The following GSDME variants were observed in gnomAD, a reference collection of about 807,000 sequenced individuals.
GSDME encodes the protein gasdermin-E.
A neutral mutation model predicts 47.5 loss-of-function variants in GSDME; 44 were observed. That is an observed-to-expected ratio of 0.93 (90% confidence interval 0.73 to 1.19). The LOEUF (loss-of-function observed/expected upper bound fraction) is 1.19, where lower values mean the gene tolerates loss of function less well. GSDME is among the 50% of genes most tolerant of loss of function. GSDME has a pLI of 0.00. For synonymous variants in GSDME, 258 were observed against 252.8 expected, an observed-to-expected ratio of 1.02 and a Z score of -0.20; for missense variants, 663 against 604.2, an observed-to-expected ratio of 1.10 and a Z score of -1.02.
rs1790620903 is a variant in GSDME, at chr7:24,745,027, GTGTGTGT to G, written c.212-280_212-274del. On this transcript the variant is annotated intron_variant, in intron 2 of 9. Transcript: ENST00000645220. This position sits in a 1 kb window ranked among gnomAD's most constrained non-coding sequence, Gnocchi z 4.4. ...TGTGTGTGTGTGTGTGTGTGTGTGTGTGTGTGTGGACCACGGGCACACAGTGGACCAG... is the reference window on the plus strand; with the variant it reads ...TGTGTGTGTGTGTGTGTGTGTGTGTGGGACCACGGGCACACAGTGGACCAG... Among the ~76,000 whole-genome samples the G allele has an allele frequency of 2.9e-5, 4 of 138,748 alleles. No homozygotes were observed. The highest frequency in any genetic ancestry group is 1.2e-4 in the African/African-American group (4 of 33,954). 91.0% of individuals were successfully genotyped at this position (138,748 alleles called of 152,430 possible). A position where few individuals can be genotyped will look rare whatever the true frequency, so the allele number is the denominator to read the frequency against.
chr7:24,770,269 C>T, the GSDME span, among the ~76,000 whole-genome samples: 2 of 152,354 alleles, frequency 1.3e-5, no homozygotes, highest in South Asian at 2.1e-4. This position sits in a 1 kb window ranked among gnomAD's most constrained non-coding sequence, Gnocchi z 4.6. Context: ...CATTGAGGTA[C>T]TGGGTGTGCC....
At chr7:24,758,732 C>G (rs1203077359), upstream of GSDME, among the ~76,000 whole-genome samples, 1 of 152,126 alleles carries the variant, frequency 6.6e-6, no homozygotes, top group Non-Finnish European at 1.5e-5. This position sits in a 1 kb window ranked among gnomAD's most constrained non-coding sequence, Gnocchi z 4.6. Context: ...AAAAGTGCTG[C>G]CCACCCACCC....
At chr7:24,770,545 C>T in the GSDME span, among the ~76,000 whole-genome samples, 7 of 152,082 alleles carry the variant, frequency 4.6e-5, no homozygotes, top group Non-Finnish European at 8.8e-5. This position sits in a 1 kb window ranked among gnomAD's most constrained non-coding sequence, Gnocchi z 4.6. Context: ...AGCTCTTCAC[C>T]TGTGGGGTCT....
chr7:24,770,992 C>G, the GSDME span, among the ~76,000 whole-genome samples: 1 of 151,318 alleles, frequency 6.6e-6, no homozygotes, highest in African/African-American at 2.4e-5. The surrounding 1 kb of genome is among the most constrained non-coding windows in gnomAD (Gnocchi z 4.6). Context: ...TTTAGAGCAA[C>G]AATGACAGAA....
rs1276253123 is a variant in GSDME at position 24,726,015 on chromosome 7, C to T, written c.405-6797G>A. Among the ~76,000 whole-genome samples the T allele has an allele frequency of 6.6e-6, 1 of 152,024 alleles. No individual in the cohort carries two copies. The highest frequency in any genetic ancestry group is 2.4e-5 in the African/African-American group (1 of 41,408). ...GAGATGGCTGGAAAAGGAGACCAGG[C>T]AGGAGCTGCTGGGAGGCGGCAGGCA... On this transcript the variant is annotated intron_variant, in intron 3 of 9. Transcript: ENST00000645220. The surrounding 1 kb of genome is among the most constrained non-coding windows in gnomAD (Gnocchi z 5.6).
the GSDME span, among the ~76,000 whole-genome samples, chr7:24,781,150 C>G: frequency 1.3e-5 from 2 of 152,158 alleles, no homozygotes; most frequent in East Asian, 3.8e-4. Flanking sequence ...CCAAGGAGAT[C>G]AACATGACCT....
At position 24,757,405 on chromosome 7, in the gene GSDME, C is replaced by A. The variant is rs539414050; in HGVS notation, c.-29G>T. 8.7e-3 allele frequency: 1,331 copies of A among 152,380 alleles called. 18 individuals are homozygous for A. The highest frequency in any genetic ancestry group is 0.03 in the African/African-American group (1,228 of 41,494). The allele number at this position is 152,380 out of a possible 1,614,324, so 9.4% of individuals were successfully genotyped here. A position where few individuals can be genotyped will look rare whatever the true frequency, so the allele number is the denominator to read the frequency against. Reference sequence around the variant, plus strand: ...CCCGCCGCGCACTTACCCGCGCGCCCGCTGCTGGGTCCCCGGCAGCCGCGC... The same window carrying A: ...CCCGCCGCGCACTTACCCGCGCGCCAGCTGCTGGGTCCCCGGCAGCCGCGC... On this transcript the variant is annotated 5_prime_UTR_variant, in exon 1 of 10. Coordinates refer to ENST00000645220, the MANE Select transcript of GSDME (RefSeq NM_001127453.2). The surrounding 1 kb of genome is among the most constrained non-coding windows in gnomAD (Gnocchi z 5.9).
At position 24,746,400 on chromosome 7, in the gene GSDME, A is replaced by G. The variant is rs76790183; in HGVS notation, c.212-1646T>C. ...CCTGAACCTCAGACTTTCATGAGCA[A>G]TTTGGAGATAATTAATGATAGCTAC... On this transcript the variant is annotated intron_variant, in intron 2 of 9. Coordinates refer to ENST00000645220, the MANE Select transcript of GSDME (RefSeq NM_001127453.2). Among the ~76,000 whole-genome samples the G allele has an allele frequency of 7.3e-3, 1,114 of 152,268 alleles. 7 individuals are homozygous for G. Among genetic ancestry groups the G allele is most frequent in the African/African-American group, 0.025 (1,036 of 41,534 alleles).
chr7:24,702,935 C>T (rs1251297898), intron 8 of GSDME, 102 bp from the exon 9 acceptor site: 6 of 942,898 alleles, frequency 6.4e-6, no homozygotes, highest in Non-Finnish European at 9.9e-6. Flanking sequence ...TACTTTCCCG[C>T]CAGCCAGGCA....
At position 24,711,815 on chromosome 7, in the gene GSDME, C is replaced by CAAAA. The variant is rs35002301; in HGVS notation, c.698-1431_698-1428dup. 1.0e-3 allele frequency among the ~76,000 whole-genome samples: 97 copies of CAAAA among 97,050 alleles called. 1 individual carries two copies. Among genetic ancestry groups the CAAAA allele is most frequent in the African/African-American group, 3.0e-3 (80 of 27,008 alleles). The allele number at this position is 97,050 out of a possible 152,430, so 63.7% of individuals were successfully genotyped here. On this transcript the variant is annotated intron_variant, in intron 5 of 9. Transcript: ENST00000645220. ...GGGCAATAGAGCAAGACCTTGTCTCCAAAAAAAAAAAAAAAAAAGGCAAAG... is the reference window on the plus strand; with the variant it reads ...GGGCAATAGAGCAAGACCTTGTCTCCAAAAAAAAAAAAAAAAAAAAAAGGCAAAG...
intron 2 of GSDME, 127 bp downstream of exon 2, chr7:24,749,437 G>T: frequency 1.2e-6 from 1 of 800,696 alleles, no homozygotes; most frequent in South Asian, 1.5e-5. Flanking sequence ...GGGAGGCAGA[G>T]GTTGCAATGG....
At chr7:24,772,253 T>A in the GSDME span, among the ~76,000 whole-genome samples, 3 of 152,242 alleles carry the variant, frequency 2.0e-5, no homozygotes, top group Admixed American at 2.0e-4. The surrounding 1 kb of genome is among the most constrained non-coding windows in gnomAD (Gnocchi z 4.5). Flanking sequence ...TGTTCCCAAC[T>A]CTTCATGTGG....
intron 8 of GSDME, chr7:24,704,654 G>C (rs1489573562): frequency 6.6e-6 from 1 of 152,000 alleles, no homozygotes; most frequent in African/African-American, 2.4e-5. Flanking sequence ...TTCCAATTCA[G>C]AAACAGCAAG....
intron 3 of GSDME, among the ~76,000 whole-genome samples, chr7:24,738,504 C>G (rs1790381075): frequency 2.0e-5 from 3 of 152,058 alleles, no homozygotes; most frequent in Admixed American, 6.5e-5. Context: ...GTTCCATATT[C>G]ACAGATCAGA....
Position 24,714,500 on chromosome 7 carries a change from C to T in GSDME, c.697+2754G>A, listed in dbSNP as rs969829565. Among the ~76,000 whole-genome samples the T allele has an allele frequency of 1.3e-5, 2 of 152,142 alleles. No individual in the cohort carries two copies. The highest frequency in any genetic ancestry group is 4.8e-5 in the African/African-American group (2 of 41,428). ...TGAATCACCCAGAACGATGACCTGACCACCAAGCCACCATAGGAAGGAGCC... is the reference window on the plus strand; with the variant it reads ...TGAATCACCCAGAACGATGACCTGATCACCAAGCCACCATAGGAAGGAGCC... On this transcript the variant is annotated intron_variant, in intron 5 of 9. Transcript: ENST00000645220. The surrounding 1 kb of genome is among the most constrained non-coding windows in gnomAD (Gnocchi z 5.0).
At chr7:24,791,759 C>T in the GSDME span, among the ~76,000 whole-genome samples, 12 of 152,206 alleles carry the variant, frequency 7.9e-5, no homozygotes, top group African/African-American at 2.9e-4. The surrounding 1 kb of genome is among the most constrained non-coding windows in gnomAD (Gnocchi z 4.8). Flanking sequence ...CGCCACAATA[C>T]CACCAGACAT....
At chr7:24,709,532 C>G (rs1789261698) in intron 6 of GSDME, among the ~76,000 whole-genome samples, 1 of 152,196 alleles carries the variant, frequency 6.6e-6, no homozygotes, top group African/African-American at 2.4e-5. Context: ...GGCTTCTGTG[C>G]TTACCCTCCA....
Position 24,754,252 on chromosome 7 carries a change from C to T in GSDME, c.-20+3144G>A, listed in dbSNP as rs937543442. 6.6e-6 allele frequency among the ~76,000 whole-genome samples: 1 copy of T among 152,064 alleles called. No individual in the cohort carries two copies. Among genetic ancestry groups the T allele is most frequent in the South Asian group, 2.1e-4 (1 of 4,814 alleles). ...CTGTAATCCCAGCACTTTGGGAGGCCGAGGTGGGGCGGATCACCTAGGTCA... is the reference window on the plus strand; with the variant it reads ...CTGTAATCCCAGCACTTTGGGAGGCTGAGGTGGGGCGGATCACCTAGGTCA... On this transcript the variant is annotated intron_variant, in intron 1 of 9. Coordinates refer to ENST00000645220, the MANE Select transcript of GSDME (RefSeq NM_001127453.2). This position sits in a 1 kb window ranked among gnomAD's most constrained non-coding sequence, Gnocchi z 5.0.
chr7:24,756,519 C>T lies in GSDME; in HGVS notation c.-20+877G>A, dbSNP rs951957084. On this transcript the variant is annotated intron_variant, in intron 1 of 9. Coordinates refer to ENST00000645220, the MANE Select transcript of GSDME (RefSeq NM_001127453.2). The surrounding 1 kb of genome is among the most constrained non-coding windows in gnomAD (Gnocchi z 4.2). ...TTAATTTCACTCTTCAGCTGCTTCT[C>T]CAACCCCACAGCACTCCTTTCATTC... Among the ~76,000 whole-genome samples, 2 of 152,204 alleles carry T rather than the reference C, an allele frequency of 1.3e-5. No homozygotes were observed. Among genetic ancestry groups the T allele is most frequent in the Non-Finnish European group, 2.9e-5 (2 of 68,048 alleles).
Sources: allele counts gnomAD v4.1 joint callset (sites outside exome capture counted in the v4.1 genomes callset), GRCh38; gene constraint gnomAD v4.1.1; non-coding constraint Gnocchi (gnomAD v3.1); transcripts MANE v1.5; gene names NCBI Gene and HGNC (gene_info 2026-07-23, HGNC 2026-07-21).